The following AP2A1 variants were observed in gnomAD, a reference collection of about 807,000 sequenced individuals.
AP2A1 encodes adaptor related protein complex 2 subunit alpha 1, also known as AP-2 complex subunit alpha-1.
In AP2A1, 21 loss-of-function variants were observed where a neutral mutation model predicts 107.3. The observed-to-expected ratio is 0.20, with a 90% confidence interval of 0.14 to 0.28. AP2A1 has a LOEUF of 0.28. Among genes scored for constraint, AP2A1 ranks in the 10% least tolerant of loss-of-function variants. AP2A1 has a pLI of 1.00. For missense variants in AP2A1, 873 were observed against 1,307.7 expected (o/e 0.67, Z 5.13); for synonymous variants, 602 against 564.8 (o/e 1.07, Z -0.93).
intron 1 of AP2A1, 103 bp downstream of exon 1, chr19:49,767,303 C>G: frequency 7.0e-7 from 1 of 1,421,628 alleles, no homozygotes; most frequent in Non-Finnish European, 9.7e-7. Context: ...AAAGCCTCTG[C>G]GGCCGTATAG....
In AP2A1 at chr19:49,807,031, C is replaced by T. The variant is rs748227906; in HGVS notation, c.*273C>T. 6.6e-7 allele frequency: 1 copy of T among 1,514,742 alleles called. No individual in the cohort carries two copies. The highest frequency in any genetic ancestry group is 8.8e-7 in the Non-Finnish European group (1 of 1,130,446). The allele number at this position is 1,514,742 out of a possible 1,614,324, so 93.8% of individuals were successfully genotyped here. On this transcript the variant is annotated 3_prime_UTR_variant, in exon 23 of 23. Coordinates refer to ENST00000354293, the MANE Select transcript of AP2A1 (RefSeq NM_130787.3). Reference sequence around the variant, plus strand: ...AAGTGGATGTCTCCTCCCCTCCCACCCCACCCTGTTGTAGCCCCTCCTACC... The same window carrying T: ...AAGTGGATGTCTCCTCCCCTCCCACTCCACCCTGTTGTAGCCCCTCCTACC...
rs1568576563 is a variant in AP2A1, at chr19:49,781,645, G to A, written c.68-112G>A. 8 of 1,112,436 alleles carry A rather than the reference G, an allele frequency of 7.2e-6. No homozygotes were observed. The East Asian group carries it at 1.8e-4, about 25-fold the overall frequency. 68.9% of individuals were successfully genotyped at this position (1,112,436 alleles called of 1,614,324 possible). ...TGGCCTGTCCTGAGCCCCAGGGCTT[G>A]GGGGCGGAGAAGATCTGCCCTTCCT... On this transcript the variant is annotated intron_variant, in intron 1 of 22. Coordinates refer to ENST00000354293, the MANE Select transcript of AP2A1 (RefSeq NM_130787.3).
Position 49,792,169 on chromosome 19 carries a change from C to A in AP2A1, c.603+105C>A, listed in dbSNP as rs145035752. The A allele has an allele frequency of 1.8e-3, 2,202 of 1,226,818 alleles. 37 individuals are homozygous for A. In the African/African-American group the frequency reaches 0.03, roughly 17 times the overall value. The allele number at this position is 1,226,818 out of a possible 1,614,324, so 76.0% of individuals were successfully genotyped here. A position where few individuals can be genotyped will look rare whatever the true frequency, so the allele number is the denominator to read the frequency against. On this transcript the variant is annotated intron_variant, in intron 5 of 22. Coordinates refer to ENST00000354293, the MANE Select transcript of AP2A1 (RefSeq NM_130787.3). ...ACCTCAGCCCTCACACCCCCGGATA[C>A]CCAGGGCTCCCACCTCAGCCCACGC...
Position 49,778,139 on chromosome 19 carries a change from G to A in AP2A1, c.68-3618G>A, listed in dbSNP as rs73590466. Among the ~76,000 whole-genome samples, 868 of 152,240 alleles carry A rather than the reference G, an allele frequency of 5.7e-3. 8 individuals are homozygous for A. The highest frequency in any genetic ancestry group is 0.02 in the African/African-American group (829 of 41,526). On this transcript the variant is annotated intron_variant, in intron 1 of 22. Transcript: ENST00000354293. ...AGTACAATTGAGTGAATACACTCGT[G>A]TATTAACGATGGGGATATGTTCTGA...
intron 1 of AP2A1, among the ~76,000 whole-genome samples, chr19:49,770,098 A>G (rs2084541970): frequency 6.6e-6 from 1 of 152,122 alleles, no homozygotes; most frequent in South Asian, 2.1e-4. Context: ...CGAACTCCCA[A>G]CCTCAAGTGA....
At chr19:49,800,228 C>A (rs894136196) in intron 11 of AP2A1, 78 bp downstream of exon 11, 93 of 1,471,062 alleles carry the variant, frequency 6.3e-5, no homozygotes, top group Non-Finnish European at 8.4e-5. Context: ...GGCCGTGGCG[C>A]CTGCCAGCCC....
At chr19:49,777,281 T>C (rs1473569013) in intron 1 of AP2A1, among the ~76,000 whole-genome samples, 3 of 151,822 alleles carry the variant, frequency 2.0e-5, no homozygotes, top group Non-Finnish European at 4.4e-5. Context: ...AATATACATA[T>C]ATATGCATAT....
chr19:49,792,656 C>A (rs1286827376), intron 5 of AP2A1, among the ~76,000 whole-genome samples: 1 of 152,038 alleles, frequency 6.6e-6, no homozygotes, highest in African/African-American at 2.4e-5. Flanking sequence ...ATTCCCCCAA[C>A]AGCGCCCATC....
At chr19:49,803,885 C>G (rs765250800) in intron 18 of AP2A1, 2 of 161,456 alleles carry the variant, frequency 1.2e-5, no homozygotes, top group Non-Finnish European at 2.7e-5. Context: ...ATCAGTCCCC[C>G]CTGCCCGTTC....
At chr19:49,774,951 T>G (rs896045913) in intron 1 of AP2A1, among the ~76,000 whole-genome samples, 2 of 148,526 alleles carry the variant, frequency 1.3e-5, no homozygotes, top group Non-Finnish European at 3.0e-5. Flanking sequence ...AGGCTGAGCA[T>G]GGCAGCTCAC....
chr19:49,782,407 G>T (rs2084688133), intron 3 of AP2A1, 124 bp from the exon 4 acceptor site: 2 of 1,100,486 alleles, frequency 1.8e-6, no homozygotes, highest in Admixed American at 2.7e-5. Flanking sequence ...GGGAGGAGGG[G>T]CCTGGGGGCC....
At chr19:49,771,127 A>T (rs971345264) in intron 1 of AP2A1, among the ~76,000 whole-genome samples, 2 of 151,836 alleles carry the variant, frequency 1.3e-5, no homozygotes, top group Non-Finnish European at 2.9e-5. Flanking sequence ...CTAGGATTAC[A>T]GGTGTGAGCT....
chr19:49,797,330 T>C (rs915987972), intron 7 of AP2A1: 15 of 152,266 alleles, frequency 9.9e-5, no homozygotes, highest in African/African-American at 3.6e-4. Context: ...AGAGATTTCA[T>C]TACTTGGACT....
intron 19 of AP2A1, 25 bp from the exon 20 acceptor site, chr19:49,805,636 T>C (rs8101959): frequency 0.46 from 712,095 of 1,552,546 alleles, 165,747 homozygotes; most frequent in Middle Eastern, 0.58. Context: ...CGGGGCCTAA[T>C]GGAGCCTCCC....
At chr19:49,783,556 G>A (rs755164160) in intron 4 of AP2A1, among the ~76,000 whole-genome samples, 16 of 152,244 alleles carry the variant, frequency 1.1e-4, no homozygotes, top group Middle Eastern at 6.8e-3. Flanking sequence ...TGTCAATATT[G>A]GATAAAAGAG....
At chr19:49,771,158 G>T (rs1159817740) in intron 1 of AP2A1, among the ~76,000 whole-genome samples, 1 of 151,778 alleles carries the variant, frequency 6.6e-6, no homozygotes, top group Non-Finnish European at 1.5e-5. Context: ...GCAGCATTCA[G>T]AGCTTCTTTT....
chr19:49,773,537 G>T (rs912865418), intron 1 of AP2A1, among the ~76,000 whole-genome samples: 1 of 152,196 alleles, frequency 6.6e-6, no homozygotes, highest in South Asian at 2.1e-4. Context: ...TTGAGTTCCA[G>T]CTGGGTGCCA....
Position 49,805,895 on chromosome 19 carries a change from T to C in AP2A1, c.2609T>C (p.Ile870Thr), listed in dbSNP as rs2073369721. ...AGCCCTCAACAGGAGGCGCAGAAAA[T>C]CTTCAAAGCCAACCACCCCATGGAC... ...LSLPQQEAQK[I>T]FKANHPMDAE... Residue 870 changes from isoleucine to threonine, a missense_variant, in exon 21 of 23, where the codon ATC becomes ACC. By Grantham distance (89) the Ile-to-Thr change is moderately conservative (BLOSUM62 -1). Around this residue, in one of 4 missense-constraint regions of AP2A1, gnomAD observed 416 missense variants for 473.4 expected, o/e 0.88. Transcript: ENST00000354293. 1 of 1,613,572 alleles carries C rather than the reference T, an allele frequency of 6.2e-7. No homozygotes were observed. The highest frequency in any genetic ancestry group is 1.1e-5 in the South Asian group (1 of 91,084).
At position 49,792,062 on chromosome 19, in the gene AP2A1, A is replaced by T. The variant is rs755160434; in HGVS notation, c.601A>T (p.Met201Leu). 3 of 1,611,760 alleles carry T rather than the reference A, an allele frequency of 1.9e-6. No individual in the cohort carries two copies. The highest frequency in any genetic ancestry group is 2.5e-6 in the Non-Finnish European group (3 of 1,179,342). The change falls in exon 5 of 23, where the codon ATG (methionine) becomes TTG (leucine). Residue 201 changes from methionine (M) to leucine (L), a missense_variant and splice_region_variant. Physicochemically the swap from Met to Leu is conservative, Grantham distance 15. Transcript: ENST00000354293. ...RVVHLLNDQH[M>L]GVVTAAVSLI... is the part of the protein sequence containing the mutation. ...GGTACACCTGCTCAATGACCAGCAC[A>T]TGGTGAGCCCCCAGCCCTCACACCC...
Sources: allele counts gnomAD v4.1 joint callset (sites outside exome capture counted in the v4.1 genomes callset), GRCh38; gene constraint gnomAD v4.1.1; regional missense constraint gnomAD v4.1.1; transcripts MANE v1.5; gene names NCBI Gene and HGNC (gene_info 2026-07-23, HGNC 2026-07-21).